The following PAN2 variants were observed in gnomAD, a reference collection of about 807,000 sequenced individuals.
The protein encoded by PAN2 is poly(A) specific ribonuclease subunit PAN2.
PAN2 carries 68 observed loss-of-function variants against 133.3 expected under a neutral mutation model. That is an observed-to-expected ratio of 0.51 (90% CI 0.42 to 0.62). The LOEUF (loss-of-function observed/expected upper bound fraction) is 0.62. Ranked by LOEUF, PAN2 falls within the 20% of genes least tolerant of loss-of-function variation. PAN2 has a pLI of 0.00. For missense variants in PAN2, 1,042 were observed against 1,500.5 expected, an observed-to-expected ratio of 0.69 and a Z score of 5.05; for synonymous variants, 462 against 544.6, an observed-to-expected ratio of 0.85 and a Z score of 2.11.
chr12:56,327,296 ACT>A, intron 6 of PAN2, 66 bp downstream of exon 6: 1 of 1,526,794 alleles, frequency 6.5e-7, no homozygotes, highest in Non-Finnish European at 9.0e-7. Flanking sequence ...CAGGATGAGT[ACT>A]CCTTCGGGTT....
rs1336089520 is a variant in PAN2, at chr12:56,328,049, G to A, written c.597C>T (p.Val199=). 6.2e-7 allele frequency: 1 copy of A among 1,613,918 alleles called. No individual in the cohort carries two copies. Among genetic ancestry groups the A allele is most frequent in the Middle Eastern group, 1.7e-4 (1 of 6,060 alleles). ...AGCGATTTGTCTGTCTCATGATGGT[G>A]ACTCCAGGCGTCTCTACTGCATACT... ...TQKYAVETPG[V]TIMRQTNRFF... Residue 199 remains valine, a synonymous_variant, in exon 5 of 26, where the codon GTC becomes GTT. Transcript: ENST00000440411.
Position 56,324,065 on chromosome 12 carries a change from T to C in PAN2, c.2049A>G (p.Thr683=), listed in dbSNP as rs1874857378. 6.2e-7 allele frequency: 1 copy of C among 1,613,588 alleles called. No homozygotes were observed. The highest frequency in any genetic ancestry group is 8.5e-7 in the Non-Finnish European group (1 of 1,179,918). Residue 683 remains threonine, a synonymous_variant, in exon 13 of 26, where the codon ACA becomes ACG. Transcript: ENST00000440411. ...TVRASSTLLF[T]LSYPDDKTGK... is the part of the protein sequence containing the mutation. ...TTTTGCTACCATCAGGGTAGGAGAG[T>C]GTGAAAAGCAGAGTGGATGAGGCTC...
At position 56,327,533 on chromosome 12, in the gene PAN2, A is replaced by G. The variant is rs374664826; in HGVS notation, c.750T>C (p.Ala250=). 44 of 1,614,156 alleles carry G rather than the reference A, an allele frequency of 2.7e-5. No homozygotes were observed. Among genetic ancestry groups the G allele is most frequent in the Non-Finnish European group, 3.6e-5 (42 of 1,180,052 alleles). The part of the protein sequence containing the change: ...SDFDVHGNLL[A]ACGFSSRLTG... The stretch of plus-strand genomic sequence containing the variant: ...TGAGGCGGCTGGAGAAGCCACAGGC[A>G]GCTAGCAGGTTGCCATGCACATCAA... Residue 250 remains alanine, a synonymous_variant, in exon 6 of 26, where the codon GCT becomes GCC. Transcript: ENST00000440411.
In PAN2 at chr12:56,325,473, G is replaced by A. The variant is rs759035352; in HGVS notation, c.1360-19C>T. 5 of 1,612,806 alleles carry A rather than the reference G, an allele frequency of 3.1e-6. No homozygotes were observed. The highest frequency in any genetic ancestry group is 4.2e-6 in the Non-Finnish European group (5 of 1,179,470). On this transcript the variant is annotated intron_variant, in intron 8 of 25. Coordinates refer to ENST00000440411, the MANE Select transcript of PAN2 (RefSeq NM_014871.6). Reference sequence around the variant, plus strand: ...AGGGTATCTAGGGATTTTAGGAAGAGGTAACCTTGTTGGATGTCTTGTCAT... The same window carrying A: ...AGGGTATCTAGGGATTTTAGGAAGAAGTAACCTTGTTGGATGTCTTGTCAT...
At chr12:56,330,960 A>C (rs1485018341) in intron 2 of PAN2, among the ~76,000 whole-genome samples, 2 of 151,558 alleles carry the variant, frequency 1.3e-5, no homozygotes, top group African/African-American at 4.8e-5. Context: ...CACCACACCC[A>C]GCTAATTTTT....
At chr12:56,320,141 C>A in intron 20 of PAN2, 120 bp from the exon 21 acceptor site, 1 of 875,806 alleles carries the variant, frequency 1.1e-6, no homozygotes, top group Non-Finnish European at 1.8e-6. Flanking sequence ...AATCAAAGCA[C>A]GTGAGAAAAA....
rs1391216725 is a variant in PAN2 at position 56,327,436 on chromosome 12, C to T, written c.847G>A (p.Val283Ile). The T allele has an allele frequency of 1.2e-5, 20 of 1,614,100 alleles. No homozygotes were observed. The highest frequency in any genetic ancestry group is 1.7e-5 in the Non-Finnish European group (20 of 1,180,044). ...CGCAAGAAGGCAGGATCCACATGTA[C>T]TTGAAGTGGTGTGATGGCACGCATC... ...RMMRAITPLQVHVDPAFLRFI... is the reference protein window; with the variant it reads ...RMMRAITPLQIHVDPAFLRFI... Residue 283 changes from valine to isoleucine, a missense_variant, in exon 6 of 26, where the codon GTA becomes ATA. Around this residue, in one of 3 missense-constraint regions of PAN2, gnomAD observed 908 missense variants for 1,223.5 expected, o/e 0.74. Coordinates refer to ENST00000440411, the MANE Select transcript of PAN2 (RefSeq NM_014871.6).
At chr12:56,320,071 GGGGAGAGAAGCCCAGTGT>G in intron 20 of PAN2, 50 bp from the exon 21 acceptor site, 3 of 1,581,252 alleles carry the variant, frequency 1.9e-6, no homozygotes, top group Non-Finnish European at 2.6e-6. Context: ...GAAGTGACTA[GGGGAGAGAAGCCCAGTGT>G]GGCTGATCAT....
In PAN2 at chr12:56,330,359, T is replaced by TC. The variant is rs1241282795; in HGVS notation, c.283-1719_283-1718insG. ...CTTACTCAACTGTATTTTTCTTTTTTTTTTTTTTTTTTTTTTTTGAGACGG... is the reference window on the plus strand; with the variant it reads ...CTTACTCAACTGTATTTTTCTTTTTTCTTTTTTTTTTTTTTTTTTGAGACGG... On this transcript the variant is annotated intron_variant, in intron 2 of 25. Transcript: ENST00000440411. Among the ~76,000 whole-genome samples, 554 of 99,606 alleles carry TC rather than the reference T, an allele frequency of 5.6e-3. 1 individual carries two copies. Among genetic ancestry groups the TC allele is most frequent in the African/African-American group, 0.017 (437 of 26,428 alleles). 65.3% of individuals were successfully genotyped at this position (99,606 alleles called of 152,430 possible).
Position 56,319,761 on chromosome 12 carries a change from C to T in PAN2, c.2950G>A (p.Glu984Lys). Residue 984 changes from glutamate to lysine, a missense_variant, in exon 22 of 26, where the codon GAA becomes AAA. Around this residue, in one of 3 missense-constraint regions of PAN2, gnomAD observed 49 missense variants for 160.5 expected, o/e 0.31. Coordinates refer to ENST00000440411, the MANE Select transcript of PAN2 (RefSeq NM_014871.6). The surrounding 1 kb of genome is among the most constrained non-coding windows in gnomAD (Gnocchi z 5.4). ...GTACCATCACTGCGTAACTCTGCTT[C>T]CTCCTACATGAGAAGAGTTAATAAG... ...DAEFVTLNEE[E>K]AELRSDGTKS... 1 of 1,612,774 alleles carries T rather than the reference C, an allele frequency of 6.2e-7. No homozygotes were observed. Among genetic ancestry groups the T allele is most frequent in the Non-Finnish European group, 8.5e-7 (1 of 1,179,312 alleles).
intron 3 of PAN2, 45 bp downstream of exon 3, chr12:56,328,427 T>C: frequency 6.2e-7 from 1 of 1,609,214 alleles, no homozygotes; most frequent in East Asian, 2.2e-5. Context: ...CTTCCCACCC[T>C]ATGAGGCATC....
chr12:56,317,009 GAACAA>G lies in PAN2; in HGVS notation c.*595_*599del, dbSNP rs1388278487. ...GTTTACAACAAATTTTTAAAAAATGGAACAAAACTTGGGACAGGCAAGTGGGATGG... is the reference window on the plus strand; with the variant it reads ...GTTTACAACAAATTTTTAAAAAATGGAACTTGGGACAGGCAAGTGGGATGG... On this transcript the variant is annotated 3_prime_UTR_variant, in exon 26 of 26. Coordinates refer to ENST00000440411, the MANE Select transcript of PAN2 (RefSeq NM_014871.6). 6.6e-6 allele frequency: 1 copy of G among 152,348 alleles called. No individual in the cohort carries two copies. The highest frequency in any genetic ancestry group is 1.5e-5 in the Non-Finnish European group (1 of 68,058). The allele number at this position is 152,348 out of a possible 1,614,324, so 9.4% of individuals were successfully genotyped here.
chr12:56,327,253 G>A, intron 6 of PAN2, 111 bp downstream of exon 6: 7 of 1,213,614 alleles, frequency 5.8e-6, no homozygotes, highest in Non-Finnish European at 8.2e-6. Context: ...GGACCCTGAT[G>A]AAAGGTTACT....
At chr12:56,332,699 G>T in intron 2 of PAN2, 114 bp downstream of exon 2, 1 of 990,728 alleles carries the variant, frequency 1.0e-6, no homozygotes, top group Non-Finnish European at 1.6e-6. Context: ...AGACCCAGCT[G>T]TCTCATCACT....
chr12:56,319,142 G>T lies in PAN2; in HGVS notation c.3310C>A (p.His1104Asn), dbSNP rs746705011. 1 of 1,614,152 alleles carries T rather than the reference G, an allele frequency of 6.2e-7. No individual in the cohort carries two copies. The highest frequency in any genetic ancestry group is 2.2e-5 in the East Asian group (1 of 44,884). Residue 1104 changes from histidine to asparagine, a missense_variant, in exon 24 of 26, where the codon CAT becomes AAT. Coordinates refer to ENST00000440411, the MANE Select transcript of PAN2 (RefSeq NM_014871.6). The surrounding 1 kb of genome is among the most constrained non-coding windows in gnomAD (Gnocchi z 5.4). ...GAAATCATTCGTTTTCGGGGCATAT[G>T]GAACAGGTAGACAGTGTCAAGGACT... ...DQVLDTVYLF[H>N]MPRKRMISLR...
At chr12:56,317,781 G>T in intron 25 of PAN2, 138 bp from the exon 26 acceptor site, 3 of 725,864 alleles carry the variant, frequency 4.1e-6, no homozygotes, top group Non-Finnish European at 4.9e-6. Flanking sequence ...GCAAGAGGAA[G>T]TTATAGTTAA....
At chr12:56,333,624 G>C (rs1385859487) in intron 1 of PAN2, 1 of 155,486 alleles carries the variant, frequency 6.4e-6, no homozygotes, top group Non-Finnish European at 1.4e-5. Flanking sequence ...CGAGAAGTCA[G>C]TTTCCTAGAA....
At chr12:56,323,974 C>T in intron 13 of PAN2, 61 bp from the exon 14 acceptor site, 2 of 1,608,196 alleles carry the variant, frequency 1.2e-6, no homozygotes, top group Non-Finnish European at 1.7e-6. Context: ...TAGTCCCCAA[C>T]ACCCTCTCCC....
In PAN2 at chr12:56,319,597, A is replaced by G. The variant is rs576553305; in HGVS notation, c.3090+24T>C. ...GTAAGTAAGCACCAGGGTGTGCCTC[A>G]CTTGCATCTCCATATCCTAATACCT... On this transcript the variant is annotated intron_variant, in intron 22 of 25. Coordinates refer to ENST00000440411, the MANE Select transcript of PAN2 (RefSeq NM_014871.6). This position sits in a 1 kb window ranked among gnomAD's most constrained non-coding sequence, Gnocchi z 5.4. 2 of 1,596,172 alleles carry G rather than the reference A, an allele frequency of 1.3e-6. No homozygotes were observed. The highest frequency in any genetic ancestry group is 2.3e-5 in the South Asian group (2 of 87,734).
Sources: allele counts gnomAD v4.1 joint callset (sites outside exome capture counted in the v4.1 genomes callset), GRCh38; gene constraint gnomAD v4.1.1; regional missense constraint gnomAD v4.1.1; non-coding constraint Gnocchi (gnomAD v3.1); transcripts MANE v1.5; gene names NCBI Gene and HGNC (gene_info 2026-07-23, HGNC 2026-07-21).